MIGA1: variants seen among roughly 807,000 people sequenced by gnomAD.
MIGA1 encodes the protein mitoguardin 1.
In MIGA1, 58 loss-of-function variants were observed where a neutral mutation model predicts 82.0. That is an observed-to-expected ratio of 0.71 (90% CI 0.57 to 0.88). The LOEUF is 0.88. Among genes scored for constraint, MIGA1 ranks in the 40% least tolerant of loss-of-function variants. The probability of loss-of-function intolerance (pLI) is 0.00; values close to 1 mark genes in which losing one functional copy is unlikely to be tolerated. For missense variants in MIGA1, 751 were observed against 749.1 expected, an observed-to-expected ratio of 1.00 and a Z score of -0.03; for synonymous variants, 249 against 253.6, an observed-to-expected ratio of 0.98 and a Z score of 0.17.
Position 77,873,302 on chromosome 1 carries a change from C to T in MIGA1, c.1680+182C>T, listed in dbSNP as rs1408936432. Among the ~76,000 whole-genome samples the T allele has an allele frequency of 3.3e-5, 5 of 152,288 alleles. No homozygotes were observed. The East Asian group carries it at 7.7e-4, about 23-fold the overall frequency. On this transcript the variant is annotated intron_variant, in intron 15 of 15. Transcript: ENST00000370791. ...ATATTTTTGGCATTTTATAATACCA[C>T]TATTATTATAATGGACCAGTATTTT...
At chr1:77,805,801 C>T (rs897216827) in intron 4 of MIGA1, among the ~76,000 whole-genome samples, 1 of 152,104 alleles carries the variant, frequency 6.6e-6, no homozygotes, top group Admixed American at 6.5e-5. Flanking sequence ...GGATTACAGG[C>T]GTGAGCCTCT....
At chr1:77,869,929 T>C (rs1182151315) in intron 14 of MIGA1, among the ~76,000 whole-genome samples, 1 of 96,200 alleles carries the variant, frequency 1.0e-5, no homozygotes, top group Non-Finnish European at 2.1e-5. Context: ...CCCGCCCACC[T>C]CCCTCCCGGA....
chr1:77,859,167 GA>G, intron 9 of MIGA1, 111 bp downstream of exon 9: 1 of 998,224 alleles, frequency 1.0e-6, no homozygotes, highest in South Asian at 1.4e-5. Context: ...TCCAAGTAAA[GA>G]AAAAATTATT....
At chr1:77,856,212 T>G (rs1267961402) in intron 8 of MIGA1, among the ~76,000 whole-genome samples, 1 of 152,242 alleles carries the variant, frequency 6.6e-6, no homozygotes, top group Non-Finnish European at 1.5e-5. Context: ...CTCACATATG[T>G]TAAACTGTCC....
chr1:77,847,626 G>A, intron 8 of MIGA1: 1 of 1,547,814 alleles, frequency 6.5e-7, no homozygotes, highest in East Asian at 2.2e-5. Flanking sequence ...AAAAAAGAGG[G>A]CTGCTGCGCT....
At chr1:77,844,397 A>G (rs1052977456) in intron 8 of MIGA1, among the ~76,000 whole-genome samples, 2 of 151,974 alleles carry the variant, frequency 1.3e-5, no homozygotes, top group Non-Finnish European at 2.9e-5. Flanking sequence ...GTAAAAAGGA[A>G]ACAAACGTGC....
intron 2 of MIGA1, among the ~76,000 whole-genome samples, chr1:77,800,183 T>G (rs1682818447): frequency 6.6e-6 from 1 of 152,142 alleles, no homozygotes; most frequent in South Asian, 2.1e-4. Flanking sequence ...GTAGGACTCT[T>G]TCAGTATTTT....
intron 7 of MIGA1, among the ~76,000 whole-genome samples, chr1:77,834,625 TG>T (rs1221092527): frequency 1.3e-5 from 2 of 152,360 alleles, no homozygotes; most frequent in African/African-American, 4.8e-5. Context: ...TATTCAACTT[TG>T]TTCTTTCTCT....
chr1:77,818,589 G>C (rs1683670794), intron 7 of MIGA1, among the ~76,000 whole-genome samples: 1 of 152,106 alleles, frequency 6.6e-6, no homozygotes. Context: ...TAACACACAG[G>C]GGGAAAGATG....
intron 1 of MIGA1, chr1:77,779,990 A>G: frequency 8.0e-7 from 1 of 1,254,028 alleles, no homozygotes; most frequent in South Asian, 2.3e-5. Context: ...ATAGGAAAGC[A>G]GGAGGGTCCC....
chr1:77,782,222 T>C (rs895841654), intron 1 of MIGA1, among the ~76,000 whole-genome samples: 1 of 152,184 alleles, frequency 6.6e-6, no homozygotes, highest in African/African-American at 2.4e-5. Flanking sequence ...ATAAAAGAAA[T>C]AATAAATTTG....
chr1:77,848,776 A>T, intron 8 of MIGA1: 1 of 1,292,858 alleles, frequency 7.7e-7, no homozygotes, highest in Non-Finnish European at 1.1e-6. Flanking sequence ...TAATGCAAAG[A>T]GCTATATTGA....
intron 2 of MIGA1, among the ~76,000 whole-genome samples, chr1:77,787,154 A>G (rs149049023): frequency 0.019 from 2,916 of 152,272 alleles, 49 homozygotes; most frequent in Non-Finnish European, 0.029. Context: ...TGTCATGAGA[A>G]CAGCAAGGGA....
At chr1:77,803,216 A>C in intron 3 of MIGA1, 54 bp from the exon 4 acceptor site, 1 of 1,223,650 alleles carries the variant, frequency 8.2e-7, no homozygotes, top group Non-Finnish European at 1.1e-6. Flanking sequence ...TTTTTACCTG[A>C]AATTTATCAT....
chr1:77,845,229 C>T (rs1684791078), intron 8 of MIGA1, among the ~76,000 whole-genome samples: 1 of 152,114 alleles, frequency 6.6e-6, no homozygotes, highest in Non-Finnish European at 1.5e-5. Context: ...TATAAGTTTG[C>T]AGTAGACAGA....
chr1:77,850,589 C>A (rs919336765), intron 8 of MIGA1, among the ~76,000 whole-genome samples: 6 of 152,176 alleles, frequency 3.9e-5, no homozygotes, highest in African/African-American at 1.4e-4. Context: ...AAACTTCAGA[C>A]ATTTCATTCA....
chr1:77,787,896 A>C (rs1448393661), intron 2 of MIGA1, among the ~76,000 whole-genome samples: 1 of 146,242 alleles, frequency 6.8e-6, no homozygotes, highest in South Asian at 2.2e-4. Flanking sequence ...GCTCACTGCA[A>C]CCTCTGCCTC....
Position 77,793,268 on chromosome 1 carries a change from A to G in MIGA1, c.196-8063A>G, listed in dbSNP as rs1197083557. On this transcript the variant is annotated intron_variant, in intron 2 of 15. Transcript: ENST00000370791. ...CAGGCATGCACCACCATGCCTGGCT[A>G]ATTTTTGTATTTTTTGTAGAGACGG... 2.7e-5 allele frequency among the ~76,000 whole-genome samples: 4 copies of G among 150,824 alleles called. No homozygotes were observed. The East Asian group carries it at 5.9e-4, about 22-fold the overall frequency.
chr1:77,809,995 A>G (rs1013061783), intron 5 of MIGA1, among the ~76,000 whole-genome samples: 1 of 152,202 alleles, frequency 6.6e-6, no homozygotes, highest in African/African-American at 2.4e-5. Context: ...AGTTGTCAGA[A>G]AAACAGCACT....
Sources: gnomAD v4.1 joint callset for allele counts (sites outside exome capture counted in the v4.1 genomes callset) on GRCh38, gnomAD v4.1.1 for gene constraint, MANE v1.5 for transcripts, NCBI Gene and HGNC (gene_info 2026-07-23, HGNC 2026-07-21) for gene names.